RYR3: variants seen among roughly 807,000 people sequenced by gnomAD.
RYR3 encodes ryanodine receptor 3.
Under a neutral mutation model 584.3 loss-of-function variants are expected in RYR3, and 207 were observed. That is an observed-to-expected ratio of 0.35 (90% CI 0.32 to 0.40). The LOEUF (loss-of-function observed/expected upper bound fraction) is 0.40. Among genes scored for constraint, RYR3 ranks in the 10% least tolerant of loss-of-function variants. The pLI, the probability that RYR3 is intolerant of heterozygous loss-of-function variation, is 1.00. For missense variants in RYR3, 5,616 were observed against 6,089.2 expected (o/e 0.92, Z 2.59); for synonymous variants, 2,416 against 2,248.5 (o/e 1.07, Z -2.11).
chr15:33,424,911 G>A (rs1337160383), intron 1 of RYR3, among the ~76,000 whole-genome samples: 1 of 152,182 alleles, frequency 6.6e-6, no homozygotes, highest in East Asian at 1.9e-4. Context: ...CCATGAGTTT[G>A]AGTCCAGCCT....
chr15:33,313,784 T>C (rs932519059), intron 1 of RYR3, among the ~76,000 whole-genome samples: 4 of 152,240 alleles, frequency 2.6e-5, no homozygotes, highest in African/African-American at 7.2e-5. Flanking sequence ...CTTTAAAGGA[T>C]TGCCATCCCA....
chr15:33,563,086 AACCAGGTGGACATG>A, intron 11 of RYR3, 76 bp downstream of exon 11: 2 of 1,156,844 alleles, frequency 1.7e-6, no homozygotes, highest in East Asian at 2.4e-5. Context: ...TGATTCTGAG[AACCAGGTGGACATG>A]ATTGTGATTT....
At chr15:33,819,679 T>A (rs1272549951) in intron 76 of RYR3, 77 bp from the exon 77 acceptor site, 1 of 202,952 alleles carries the variant, frequency 4.9e-6, no homozygotes, top group African/African-American at 4.3e-5. Flanking sequence ...GTCTCAAAAA[T>A]AAATAAATAA....
intron 1 of RYR3, among the ~76,000 whole-genome samples, chr15:33,350,613 A>C (rs1183728639): frequency 3.3e-5 from 5 of 151,986 alleles, no homozygotes; most frequent in African/African-American, 1.2e-4. Context: ...AACTCACTCA[A>C]AACCACTCAA....
intron 44 of RYR3, among the ~76,000 whole-genome samples, chr15:33,723,203 G>A (rs886889108): frequency 2.0e-5 from 3 of 152,212 alleles, no homozygotes; most frequent in African/African-American, 7.2e-5. Flanking sequence ...GACCAAGGTT[G>A]TACTCCTTGT....
At chr15:33,617,008 T>C (rs1435427583) in intron 19 of RYR3, among the ~76,000 whole-genome samples, 1 of 152,214 alleles carries the variant, frequency 6.6e-6, no homozygotes, top group African/African-American at 2.4e-5. Flanking sequence ...TAAAGTATGA[T>C]TTGGTGCTGA....
intron 40 of RYR3, 54 bp downstream of exon 40, chr15:33,698,050 A>G: frequency 8.2e-7 from 1 of 1,223,424 alleles, no homozygotes. Flanking sequence ...CAGGAGCACG[A>G]GGTGACTTGT....
In RYR3 at chr15:33,653,672, A is replaced by G. The variant is rs189964730; in HGVS notation, c.4308+789A>G. On this transcript the variant is annotated intron_variant, in intron 32 of 103. Transcript: ENST00000634891. ...GCAACAAAGCAAGACTCCATCTCAA[A>G]AAAAAAAAAAATACATTTATATAAA... is the stretch of plus-strand genomic sequence containing the variant. 9.9e-3 allele frequency among the ~76,000 whole-genome samples: 1,485 copies of G among 150,364 alleles called. 20 individuals carry two copies. The highest frequency in any genetic ancestry group is 0.027 in the Middle Eastern group (8 of 292).
At chr15:33,703,359 C>T (rs1021097856) in intron 42 of RYR3, among the ~76,000 whole-genome samples, 2 of 152,080 alleles carry the variant, frequency 1.3e-5, no homozygotes, top group Non-Finnish European at 2.9e-5. Flanking sequence ...ACATAAACAT[C>T]GGAAATTTAT....
chr15:33,631,201 G>T lies in RYR3; in HGVS notation c.2784-9G>T. Reference sequence around the variant, plus strand: ...TTAACCTTAGTCTTCTCCTTCTGTTGTGTCACAGAACCCTCTTGGCCCTGG... The same window carrying T: ...TTAACCTTAGTCTTCTCCTTCTGTTTTGTCACAGAACCCTCTTGGCCCTGG... On this transcript the variant is annotated splice_polypyrimidine_tract_variant and intron_variant, in intron 22 of 103. Transcript: ENST00000634891. The T allele has an allele frequency of 6.5e-7, 1 of 1,547,322 alleles. No individual in the cohort carries two copies. The highest frequency in any genetic ancestry group is 8.8e-7 in the Non-Finnish European group (1 of 1,135,264).
At chr15:33,385,310 GA>G (rs1223609077) in intron 1 of RYR3, among the ~76,000 whole-genome samples, 2 of 152,128 alleles carry the variant, frequency 1.3e-5, no homozygotes, top group Admixed American at 6.5e-5. Context: ...TCCCCTTGTA[GA>G]AGGTGGAGAA....
In RYR3 at chr15:33,311,229, G is replaced by A; in HGVS notation, c.51+133G>A. On this transcript the variant is annotated intron_variant, in intron 1 of 103. Coordinates refer to ENST00000634891, the MANE Select transcript of RYR3 (RefSeq NM_001036.6). The surrounding 1 kb of genome is among the most constrained non-coding windows in gnomAD (Gnocchi z 4.4). ...GGCGCTTTCTCCGCACCCGCGGGCT[G>A]CAGAGGCGGACCGGCCACCTACCCG... 2 of 609,696 alleles carry A rather than the reference G, an allele frequency of 3.3e-6. No individual in the cohort carries two copies. Among genetic ancestry groups the A allele is most frequent in the South Asian group, 5.1e-5 (1 of 19,550 alleles). 37.8% of individuals were successfully genotyped at this position (609,696 alleles called of 1,614,324 possible).
At chr15:33,835,223 T>TG (rs1214492155) in intron 87 of RYR3, among the ~76,000 whole-genome samples, 151 bp downstream of exon 87, 4 of 152,212 alleles carry the variant, frequency 2.6e-5, no homozygotes, top group Admixed American at 6.5e-5. Flanking sequence ...AAGGCCAAAA[T>TG]GGGAGATGGA....
intron 1 of RYR3, among the ~76,000 whole-genome samples, chr15:33,443,496 C>G (rs761621963): frequency 6.6e-6 from 1 of 151,968 alleles, no homozygotes; most frequent in Non-Finnish European, 1.5e-5. Context: ...GTTTGCAATG[C>G]ATTTAAAAAG....
intron 55 of RYR3, 71 bp downstream of exon 55, chr15:33,748,601 GGAAAAAAGGGAAAGAATGCCTA>G: frequency 8.0e-7 from 1 of 1,247,276 alleles, no homozygotes; most frequent in Admixed American, 2.0e-5. Context: ...AGTTAAAGGG[GGAAAAAAGGGAAAGAATGCCTA>G]GAACATATCA....
At chr15:33,317,028 G>T (rs1187828191) in intron 1 of RYR3, among the ~76,000 whole-genome samples, 1 of 152,182 alleles carries the variant, frequency 6.6e-6, no homozygotes, top group African/African-American at 2.4e-5. Context: ...AAAAGGCCAG[G>T]TAGGCTCCTC....
chr15:33,786,253 A>G (rs967931320), intron 66 of RYR3, among the ~76,000 whole-genome samples: 1 of 152,124 alleles, frequency 6.6e-6, no homozygotes, highest in African/African-American at 2.4e-5. Context: ...CTCAAATCCA[A>G]TGAGCATTGC....
At chr15:33,621,498 A>C (rs1464115992) in intron 19 of RYR3, among the ~76,000 whole-genome samples, 2 of 152,228 alleles carry the variant, frequency 1.3e-5, no homozygotes, top group Non-Finnish European at 2.9e-5. Flanking sequence ...GAGGTTCACT[A>C]AATTAGTAAT....
chr15:33,827,358 G>A, intron 85 of RYR3, 71 bp downstream of exon 85: 2 of 1,368,816 alleles, frequency 1.5e-6, no homozygotes, highest in Admixed American at 2.0e-5. Flanking sequence ...GTTACACAGG[G>A]TCAGGGACAG....
Sources: allele counts gnomAD v4.1 joint callset (sites outside exome capture counted in the v4.1 genomes callset), GRCh38; gene constraint gnomAD v4.1.1; non-coding constraint Gnocchi (gnomAD v3.1); transcripts MANE v1.5; gene names NCBI Gene and HGNC (gene_info 2026-07-23, HGNC 2026-07-21).